Variants in AP4E1 observed in about 807,000 individuals in gnomAD.
The protein encoded by AP4E1 is adaptor related protein complex 4 subunit epsilon 1.
In AP4E1, 56 loss-of-function variants were observed where a neutral mutation model predicts 128.2. The observed-to-expected ratio is 0.44, with a 90% CI of 0.35 to 0.55. The LOEUF is 0.55. AP4E1 is among the 20% of genes least tolerant of loss of function. AP4E1 has a pLI of 0.00. For missense variants in AP4E1, 1,324 were observed against 1,307.7 expected (o/e 1.01, Z -0.19); for synonymous variants, 484 against 473.1 (o/e 1.02, Z -0.30).
rs142215198 is a variant in AP4E1, at chr15:50,968,263, G to A, written c.1852G>A (p.Val618Ile). The A allele has an allele frequency of 3.5e-4, 557 of 1,606,876 alleles. 1 individual carries two copies. Among genetic ancestry groups the A allele is most frequent in the Non-Finnish European group, 4.2e-4 (489 of 1,174,688 alleles). Residue 618 changes from valine to isoleucine, a missense_variant and splice_region_variant, in exon 15 of 21, where the codon GTA (valine) becomes ATA (isoleucine). Transcript: ENST00000261842. ...PVDRSCEDLVVDASLSFLDGF... is the reference protein window; with the variant it reads ...PVDRSCEDLVIDASLSFLDGF... ...TAATTTTTGCTTAATTTTAATATAGGTAGATGCTTCTTTATCTTTTCTGGA... is the reference window on the plus strand; with the variant it reads ...TAATTTTTGCTTAATTTTAATATAGATAGATGCTTCTTTATCTTTTCTGGA...
intron 8 of AP4E1, among the ~76,000 whole-genome samples, chr15:50,937,242 A>G (rs910146854): frequency 2.1e-4 from 32 of 152,342 alleles, no homozygotes; most frequent in East Asian, 1.9e-4. Context: ...TAACCAGCAT[A>G]TCTCAGTAGC....
intron 8 of AP4E1, among the ~76,000 whole-genome samples, chr15:50,938,638 G>A (rs1167104429): frequency 6.6e-6 from 1 of 152,114 alleles, no homozygotes; most frequent in African/African-American, 2.4e-5. Flanking sequence ...TTTGTGGCCA[G>A]GGTTCGGAGG....
chr15:50,945,592 A>G (rs1195929812), intron 10 of AP4E1: 1 of 748,668 alleles, frequency 1.3e-6, no homozygotes, highest in African/African-American at 1.7e-5. Context: ...TATCTTTCCT[A>G]TAGACAAAAG....
intron 16 of AP4E1, 52 bp from the exon 17 acceptor site, chr15:50,993,318 T>G: frequency 6.2e-7 from 1 of 1,601,494 alleles, no homozygotes; most frequent in East Asian, 2.2e-5. Flanking sequence ...CTCAAGAAAG[T>G]AACTATTAGC....
Position 50,993,507 on chromosome 15 carries a change from A to G in AP4E1, c.2228A>G (p.Gln743Arg), listed in dbSNP as rs751015052. 1.2e-6 allele frequency: 2 copies of G among 1,614,040 alleles called. No homozygotes were observed. Among genetic ancestry groups the G allele is most frequent in the East Asian group, 4.5e-5 (2 of 44,830 alleles). ...PQESIMENVD[Q>R]AITKKDQSQV... is the part of the protein sequence containing the mutation. ...GAGAGTATAATGGAGAATGTAGATC[A>G]AGCTATAACTAAAAAGGATCAATCT... The change falls in exon 17 of 21, where the codon CAA (glutamine) becomes CGA (arginine). Residue 743 changes from glutamine to arginine, a missense_variant. Coordinates refer to ENST00000261842, the MANE Select transcript of AP4E1 (RefSeq NM_007347.5).
At chr15:50,949,090 G>T (rs1434010803) in intron 11 of AP4E1, among the ~76,000 whole-genome samples, 1 of 152,036 alleles carries the variant, frequency 6.6e-6, no homozygotes, top group Non-Finnish European at 1.5e-5. Context: ...TGTAGCTCTG[G>T]CCAGCAGAAT....
chr15:50,911,891 G>A (rs2063570959), intron 1 of AP4E1, among the ~76,000 whole-genome samples, 187 bp from the exon 2 acceptor site: 1 of 152,162 alleles, frequency 6.6e-6, no homozygotes, highest in Non-Finnish European at 1.5e-5. Context: ...TTCTCTCCAG[G>A]GATGGTTCTG....
intron 12 of AP4E1, 37 bp downstream of exon 12, chr15:50,949,975 T>A: frequency 1.3e-6 from 2 of 1,589,458 alleles, no homozygotes; most frequent in East Asian, 2.2e-5. Flanking sequence ...GTAAACATTT[T>A]AAAGTTTAAT....
At chr15:50,936,529 C>T (rs1424697173) in intron 8 of AP4E1, among the ~76,000 whole-genome samples, 1 of 152,030 alleles carries the variant, frequency 6.6e-6, no homozygotes, top group African/African-American at 2.4e-5. Flanking sequence ...CCTTATCACC[C>T]ACCACCCAGT....
chr15:50,965,541 T>A (rs1319896019), intron 14 of AP4E1, among the ~76,000 whole-genome samples: 1 of 152,270 alleles, frequency 6.6e-6, no homozygotes, highest in Non-Finnish European at 1.5e-5. Context: ...GTTAGCTTAC[T>A]GGTTTATTAT....
chr15:50,992,900 A>T (rs1228091572), intron 16 of AP4E1, among the ~76,000 whole-genome samples: 1 of 152,200 alleles, frequency 6.6e-6, no homozygotes, highest in African/African-American at 2.4e-5. Context: ...ATGTAAATTT[A>T]TACATAGGAG....
At chr15:50,951,730 T>C (rs564548711) in intron 13 of AP4E1, among the ~76,000 whole-genome samples, 43 of 148,398 alleles carry the variant, frequency 2.9e-4, no homozygotes, top group African/African-American at 8.6e-4. Flanking sequence ...TTCTTTCTTT[T>C]TTTTTTTTTT....
In AP4E1 at chr15:50,948,109, A is replaced by T. The variant is rs368483126; in HGVS notation, c.1266A>T (p.Glu422Asp). ...KMLEYLHQSKEEYVIVNLVGK... is the reference protein window; with the variant it reads ...KMLEYLHQSKDEYVIVNLVGK... ...TTGAATATTTACATCAGAGCAAAGA[A>T]GAGTATGTCATCGTCAATTTGGTCG... The change falls in exon 11 of 21, where the codon GAA (glutamate) becomes GAT (aspartate). Residue 422 changes from glutamate to aspartate, a missense_variant. Transcript: ENST00000261842. 79 of 1,613,888 alleles carry T rather than the reference A, an allele frequency of 4.9e-5. No homozygotes were observed. The highest frequency in any genetic ancestry group is 6.6e-5 in the Non-Finnish European group (78 of 1,179,940).
At chr15:51,000,194 G>A (rs2064941970) in intron 19 of AP4E1, among the ~76,000 whole-genome samples, 1 of 144,240 alleles carries the variant, frequency 6.9e-6, no homozygotes, top group East Asian at 2.1e-4. Flanking sequence ...CCAGGCTGGA[G>A]TGCAGTGGCA....
At chr15:50,946,393 A>G (rs2064062536) in intron 10 of AP4E1, among the ~76,000 whole-genome samples, 1 of 152,204 alleles carries the variant, frequency 6.6e-6, no homozygotes, top group Non-Finnish European at 1.5e-5. Context: ...CTATGATTCC[A>G]CATAACATTT....
intron 14 of AP4E1, among the ~76,000 whole-genome samples, chr15:50,967,021 T>A (rs2140891849): frequency 6.6e-6 from 1 of 152,368 alleles, no homozygotes; most frequent in South Asian, 2.1e-4. Flanking sequence ...ATCATTTTTG[T>A]TCATCTCCTT....
chr15:50,991,171 C>T (rs1230247687), intron 16 of AP4E1, among the ~76,000 whole-genome samples: 1 of 152,208 alleles, frequency 6.6e-6, no homozygotes, highest in Non-Finnish European at 1.5e-5. Flanking sequence ...CAGGCAATCC[C>T]TGAAGGGGCT....
chr15:50,989,315 C>G (rs2064772237), intron 16 of AP4E1, among the ~76,000 whole-genome samples: 1 of 152,088 alleles, frequency 6.6e-6, no homozygotes, highest in Admixed American at 6.6e-5. Flanking sequence ...ATTTTGAGTT[C>G]TTCTGTATTT....
At position 50,997,825 on chromosome 15, in the gene AP4E1, A is replaced by G. The variant is rs766426352; in HGVS notation, c.2846A>G (p.Lys949Arg). 6.2e-7 allele frequency: 1 copy of G among 1,601,146 alleles called. No individual in the cohort carries two copies. Among genetic ancestry groups the G allele is most frequent in the Admixed American group, 1.7e-5 (1 of 58,568 alleles). ...TTGATGGTCTGGTCAGTCACTAATA[A>G]GAGTGGTTTGGAATTGAAAAGTGCT... is the stretch of plus-strand genomic sequence containing the variant. ...CLLMVWSVTNKSGLELKSADL... is the reference protein window; with the variant it reads ...CLLMVWSVTNRSGLELKSADL... The change falls in exon 18 of 21, where the codon AAG (lysine) becomes AGG (arginine). Residue 949 changes from lysine (K) to arginine (R), a missense_variant. Coordinates refer to ENST00000261842, the MANE Select transcript of AP4E1 (RefSeq NM_007347.5).
Sources: allele counts gnomAD v4.1 joint callset (sites outside exome capture counted in the v4.1 genomes callset), GRCh38; gene constraint gnomAD v4.1.1; transcripts MANE v1.5; gene names NCBI Gene and HGNC (gene_info 2026-07-23, HGNC 2026-07-21).